Variants in DDX10 observed in about 807,000 individuals in gnomAD.
DDX10 encodes the protein DEAD-box helicase 10, also known as probable ATP-dependent RNA helicase DDX10.
DDX10 carries 74 observed loss-of-function variants against 104.3 expected under a neutral mutation model. The ratio of observed to expected loss-of-function variants is 0.71; its 90% CI spans 0.59 to 0.86. DDX10 has a LOEUF of 0.86. Among genes scored for constraint, DDX10 ranks in the 40% least tolerant of loss-of-function variants. The pLI is 0.00. For synonymous variants in DDX10, 351 were observed against 353.4 expected (o/e 0.99, Z 0.08); for missense variants, 952 against 1,040.0 (o/e 0.92, Z 1.16).
At chr11:108,778,824 C>A (rs974517586) in intron 13 of DDX10, among the ~76,000 whole-genome samples, 1 of 152,136 alleles carries the variant, frequency 6.6e-6, no homozygotes, top group Non-Finnish European at 1.5e-5. Context: ...CCAGAATCTA[C>A]AAAGAACTCA....
chr11:108,728,729 G>T (rs2094308352), intron 13 of DDX10, among the ~76,000 whole-genome samples: 3 of 151,902 alleles, frequency 2.0e-5, no homozygotes, highest in Admixed American at 2.0e-4. Context: ...TGTTCCCCAG[G>T]ATGGTCTCAA....
chr11:108,687,685 T>G (rs776298224), intron 6 of DDX10, among the ~76,000 whole-genome samples: 9 of 152,232 alleles, frequency 5.9e-5, no homozygotes. Flanking sequence ...GAACAGTCCT[T>G]TATCAGATGT....
intron 13 of DDX10, among the ~76,000 whole-genome samples, chr11:108,757,361 T>G (rs1194065861): frequency 6.6e-6 from 1 of 152,138 alleles, no homozygotes; most frequent in Admixed American, 6.6e-5. Context: ...ATTATCCAGC[T>G]AAAAATATTT....
chr11:108,669,899 C>T lies in DDX10; in HGVS notation c.187-3568C>T, dbSNP rs541822811. On this transcript the variant is annotated intron_variant, in intron 1 of 17. Transcript: ENST00000322536. Reference sequence around the variant, plus strand: ...GGCAGCCTCTAGAAGCTGGAAAAGGCGGGGAAATGGACTCTGCCGTAGAGT... The same window carrying T: ...GGCAGCCTCTAGAAGCTGGAAAAGGTGGGGAAATGGACTCTGCCGTAGAGT... 6.6e-5 allele frequency among the ~76,000 whole-genome samples: 10 copies of T among 152,264 alleles called. 1 individual carries two copies. Among genetic ancestry groups the T allele is most frequent in the Middle Eastern group, 6.8e-3 (2 of 294 alleles).
chr11:108,725,238 A>AT (rs2094303898), intron 13 of DDX10, among the ~76,000 whole-genome samples: 1 of 151,982 alleles, frequency 6.6e-6, no homozygotes, highest in Non-Finnish European at 1.5e-5. Flanking sequence ...GGTTGTTTCC[A>AT]TTTTTTGGTG....
At chr11:108,720,702 C>T (rs1357027280) in intron 12 of DDX10, among the ~76,000 whole-genome samples, 2 of 151,998 alleles carry the variant, frequency 1.3e-5, no homozygotes, top group Non-Finnish European at 2.9e-5. Flanking sequence ...GTGATCCTCT[C>T]ATCTCAGCCT....
At position 108,738,585 on chromosome 11, in the gene DDX10, C is replaced by A. The variant is rs2624140; in HGVS notation, c.1965+15123C>A. 7.6e-3 allele frequency among the ~76,000 whole-genome samples: 1,162 copies of A among 152,208 alleles called. 31 individuals are homozygous for A. The highest frequency in any genetic ancestry group is 0.044 in the East Asian group (225 of 5,166). On this transcript the variant is annotated intron_variant, in intron 13 of 17. Coordinates refer to ENST00000322536, the MANE Select transcript of DDX10 (RefSeq NM_004398.4). ...GCACCAGCTTAGCTAACCAGACTTACAGTGAGTTTGTAATTACATGATTAG... is the reference window on the plus strand; with the variant it reads ...GCACCAGCTTAGCTAACCAGACTTAAAGTGAGTTTGTAATTACATGATTAG...
At chr11:108,938,804 A>G (rs10789694) in intron 17 of DDX10, among the ~76,000 whole-genome samples, 71,036 of 151,916 alleles carry the variant, frequency 0.47, 19,858 homozygotes, top group Non-Finnish European at 0.62. Context: ...TGGAGGAATT[A>G]TTTCCAGTTT....
chr11:108,854,857 G>T (rs765347242), intron 16 of DDX10, among the ~76,000 whole-genome samples: 7 of 152,010 alleles, frequency 4.6e-5, no homozygotes, highest in Non-Finnish European at 8.8e-5. Flanking sequence ...CTGGCATATT[G>T]AAAGTACTTC....
chr11:108,703,397 T>C (rs187217514), intron 9 of DDX10, among the ~76,000 whole-genome samples: 1,577 of 152,250 alleles, frequency 0.01, 19 homozygotes, highest in Admixed American at 0.025. Flanking sequence ...TGGCGCGATC[T>C]CTGCTCACTG....
At chr11:108,916,620 T>C (rs1863754206) in intron 16 of DDX10, among the ~76,000 whole-genome samples, 1 of 152,196 alleles carries the variant, frequency 6.6e-6, no homozygotes, top group South Asian at 2.1e-4. Context: ...CAAAGAATCA[T>C]TGAAGTTTAT....
chr11:108,940,542 T>A lies in DDX10; in HGVS notation c.*119T>A. On this transcript the variant is annotated 3_prime_UTR_variant, in exon 18 of 18. Transcript: ENST00000322536. ...ATATGCCCCATTCCCAAAGGGCACA[T>A]TTCTGGATAGAAGCGATCGTATCTC... is the stretch of plus-strand genomic sequence containing the variant. The A allele has an allele frequency of 1.0e-6, 1 of 980,132 alleles. No homozygotes were observed. The highest frequency in any genetic ancestry group is 1.5e-6 in the Non-Finnish European group (1 of 671,244). The allele number at this position is 980,132 out of a possible 1,614,324, so 60.7% of individuals were successfully genotyped here. A position where few individuals can be genotyped will look rare whatever the true frequency, so the allele number is the denominator to read the frequency against.
At chr11:108,713,645 T>C (rs1375093378) in intron 10 of DDX10, among the ~76,000 whole-genome samples, 1 of 152,226 alleles carries the variant, frequency 6.6e-6, no homozygotes, top group African/African-American at 2.4e-5. Flanking sequence ...ATCCCTGCCA[T>C]GTCTGGTTAT....
chr11:108,915,109 A>C (rs1467920475), intron 16 of DDX10, among the ~76,000 whole-genome samples: 1 of 152,206 alleles, frequency 6.6e-6, no homozygotes, highest in Non-Finnish European at 1.5e-5. Context: ...TGAAGGAATA[A>C]TGGCTGGAAA....
chr11:108,878,974 CT>C lies in DDX10; in HGVS notation c.2304+26774del, dbSNP rs200544326. On this transcript the variant is annotated intron_variant, in intron 16 of 17. Coordinates refer to ENST00000322536, the MANE Select transcript of DDX10 (RefSeq NM_004398.4). ...ACTAACTAGAATTGAGGATAGAACA[CT>C]TTTTTTTTACCGTGGAAATTTTCTA... 9.2e-5 allele frequency among the ~76,000 whole-genome samples: 14 copies of C among 151,424 alleles called. No individual in the cohort carries two copies. The South Asian group carries it at 2.3e-3, about 25-fold the overall frequency.
intron 15 of DDX10, among the ~76,000 whole-genome samples, chr11:108,846,058 CTT>C (rs2134600318): frequency 6.6e-6 from 1 of 152,204 alleles, no homozygotes; most frequent in East Asian, 1.9e-4. Context: ...TCAAGTAAAT[CTT>C]TGTCTTAAAG....
chr11:108,887,582 TA>T (rs34226825), intron 16 of DDX10, among the ~76,000 whole-genome samples: 59 of 140,894 alleles, frequency 4.2e-4, no homozygotes, highest in Admixed American at 6.4e-4. Context: ...ATAGTCTGCT[TA>T]AAAAAAAAAA....
intron 9 of DDX10, among the ~76,000 whole-genome samples, chr11:108,704,389 C>G (rs1285363665): frequency 2.0e-5 from 3 of 152,174 alleles, no homozygotes; most frequent in Admixed American, 6.5e-5. Context: ...ACAGAATAAG[C>G]CTTTCTACTT....
chr11:108,749,746 TTAAC>T (rs1565266972), intron 13 of DDX10, among the ~76,000 whole-genome samples: 1 of 152,204 alleles, frequency 6.6e-6, no homozygotes, highest in Non-Finnish European at 1.5e-5. Context: ...GTGCAGAATT[TTAAC>T]TAGCTGTTTA....
Sources: allele counts gnomAD v4.1 joint callset (sites outside exome capture counted in the v4.1 genomes callset), GRCh38; gene constraint gnomAD v4.1.1; transcripts MANE v1.5; gene names NCBI Gene and HGNC (gene_info 2026-07-23, HGNC 2026-07-21).